Variants in ZC3H13 observed in about 807,000 individuals in gnomAD.
ZC3H13 encodes zinc finger CCCH-type containing 13.
In ZC3H13, 64 loss-of-function variants were observed where a neutral mutation model predicts 204.1. The ratio of observed to expected loss-of-function variants is 0.31; its 90% CI spans 0.26 to 0.39. The LOEUF is 0.39. Ranked by LOEUF, ZC3H13 falls within the 10% of genes least tolerant of loss-of-function variation. The probability of loss-of-function intolerance (pLI) is 1.00; values close to 1 mark genes in which losing one functional copy is unlikely to be tolerated. For missense variants in ZC3H13, 1,833 were observed against 2,082.7 expected, an observed-to-expected ratio of 0.88 and a Z score of 2.33; for synonymous variants, 667 against 693.7, an observed-to-expected ratio of 0.96 and a Z score of 0.60.
chr13:45,963,316 C>T (rs1951825002), intron 17 of ZC3H13: 1 of 986,422 alleles, frequency 1.0e-6, no homozygotes, highest in Non-Finnish European at 1.2e-6. Context: ...TGCCAAAATA[C>T]CCAATTTCTT....
intron 4 of ZC3H13, among the ~76,000 whole-genome samples, chr13:46,040,828 A>G (rs1275142514): frequency 6.6e-6 from 1 of 152,162 alleles, no homozygotes; most frequent in Admixed American, 6.6e-5. Context: ...ATAAGTACAC[A>G]AGAAGATGCT....
intron 17 of ZC3H13, 143 bp downstream of exon 17, chr13:45,963,699 G>T: frequency 6.7e-7 from 1 of 1,488,930 alleles, no homozygotes; most frequent in Non-Finnish European, 8.9e-7. Flanking sequence ...GACCATGAGG[G>T]TTAAATAATG....
intron 8 of ZC3H13, among the ~76,000 whole-genome samples, chr13:45,992,318 A>G (rs1000763160): frequency 2.6e-5 from 4 of 152,200 alleles, no homozygotes; most frequent in Non-Finnish European, 4.4e-5. Context: ...GAGGATACAG[A>G]AATGAAGAGA....
intron 10 of ZC3H13, among the ~76,000 whole-genome samples, chr13:45,983,505 C>G (rs187109187): frequency 0.031 from 4,046 of 132,256 alleles, 90 homozygotes; most frequent in Middle Eastern, 0.046. Flanking sequence ...CGGCTCACTG[C>G]AAGCTCCGCC....
At chr13:46,039,313 C>T (rs1566350156) in intron 4 of ZC3H13, among the ~76,000 whole-genome samples, 1 of 152,130 alleles carries the variant, frequency 6.6e-6, no homozygotes, top group East Asian at 1.9e-4. Context: ...CTGTCAACAA[C>T]CTAAATCTCC....
At chr13:46,032,168 G>A (rs1481159792) in intron 4 of ZC3H13, among the ~76,000 whole-genome samples, 2 of 152,198 alleles carry the variant, frequency 1.3e-5, no homozygotes, top group East Asian at 3.9e-4. Flanking sequence ...TGCAAGTCCT[G>A]CATATGCTGG....
In ZC3H13 at chr13:45,969,842, C is replaced by T; in HGVS notation, c.2702G>A (p.Ser901Asn). Reference sequence around the variant, plus strand: ...TTCCTGTTCTTCGTAGCGCCTTGAACTCTCTTTCCTTTCTGGTTTACGATC... The same window carrying T: ...TTCCTGTTCTTCGTAGCGCCTTGAATTCTCTTTCCTTTCTGGTTTACGATC... Reference protein sequence around the residue: ...EEDRKPERKESSRRYEEQELK... With the variant: ...EEDRKPERKENSRRYEEQELK... Residue 901 changes from serine to asparagine, a missense_variant, in exon 14 of 19, where the codon AGT (serine) becomes AAT (asparagine). Coordinates refer to ENST00000679008, the MANE Select transcript of ZC3H13 (RefSeq NM_001330564.2). 1.2e-6 allele frequency: 2 copies of T among 1,614,002 alleles called. No homozygotes were observed. Among genetic ancestry groups the T allele is most frequent in the Non-Finnish European group, 1.7e-6 (2 of 1,180,022 alleles).
chr13:45,963,567 C>T (rs1951844631), intron 17 of ZC3H13: 1 of 1,177,504 alleles, frequency 8.5e-7, no homozygotes, highest in South Asian at 2.0e-5. Context: ...TGACTACAGA[C>T]ATGCAACACC....
At chr13:45,975,202 G>A (rs2138010857) in intron 12 of ZC3H13, 81 bp downstream of exon 12, 2 of 1,513,394 alleles carry the variant, frequency 1.3e-6, no homozygotes, top group Non-Finnish European at 1.8e-6. Flanking sequence ...GAAATTAAGA[G>A]TATATTGAAA....
chr13:46,003,471 G>T (rs2040898844), intron 7 of ZC3H13, 135 bp from the exon 8 acceptor site: 3 of 696,926 alleles, frequency 4.3e-6, no homozygotes, highest in East Asian at 3.2e-5. Context: ...CCAATATCAA[G>T]AAGAAAAAAA....
intron 4 of ZC3H13, among the ~76,000 whole-genome samples, chr13:46,032,049 T>C (rs1566330889): frequency 6.6e-6 from 1 of 152,160 alleles, no homozygotes; most frequent in Non-Finnish European, 1.5e-5. Context: ...AATGGACAAA[T>C]AAACAGAATA....
chr13:46,008,705 A>G (rs2138618779), intron 7 of ZC3H13, among the ~76,000 whole-genome samples: 1 of 152,276 alleles, frequency 6.6e-6, no homozygotes, highest in Non-Finnish European at 1.5e-5. Context: ...AATTGAGGGA[A>G]AGTTACATAG....
rs148419284 is a variant in ZC3H13, at chr13:46,015,060, C to T, written c.449-3506G>A. Among the ~76,000 whole-genome samples, 461 of 152,230 alleles carry T rather than the reference C, an allele frequency of 3.0e-3. 3 individuals carry two copies. The highest frequency in any genetic ancestry group is 5.0e-3 in the Non-Finnish European group (340 of 67,972). ...TTCAAGTGCAAGTATTTTTCTATGA[C>T]ATTATTTCTCAGACTACATTGCTAG... is the stretch of plus-strand genomic sequence containing the variant. On this transcript the variant is annotated intron_variant, in intron 5 of 18. Coordinates refer to ENST00000679008, the MANE Select transcript of ZC3H13 (RefSeq NM_001330564.2).
Position 45,985,547 on chromosome 13 carries a change from T to C in ZC3H13, c.1470A>G (p.Lys490=), listed in dbSNP as rs1954100583. ...REMRDYSRDT[K]ESRDPRDSRS... is the part of the protein sequence containing the mutation. ...GAGAATCTCTGGGATCACGGCTCTCTTTGGTATCTCTGCTATAATCTCTCA... is the reference window on the plus strand; with the variant it reads ...GAGAATCTCTGGGATCACGGCTCTCCTTGGTATCTCTGCTATAATCTCTCA... The change falls in exon 10 of 19, where the codon AAA becomes AAG. Residue 490 remains lysine (K), a synonymous_variant. Coordinates refer to ENST00000679008, the MANE Select transcript of ZC3H13 (RefSeq NM_001330564.2). The C allele has an allele frequency of 1.2e-6, 2 of 1,614,180 alleles. No homozygotes were observed. Among genetic ancestry groups the C allele is most frequent in the Non-Finnish European group, 1.7e-6 (2 of 1,180,034 alleles).
At chr13:46,046,916 A>G (rs1255077909) in intron 1 of ZC3H13, among the ~76,000 whole-genome samples, 1 of 152,206 alleles carries the variant, frequency 6.6e-6, no homozygotes, top group Non-Finnish European at 1.5e-5. Context: ...AGGAAAAAAA[A>G]CACCATACTA....
chr13:45,992,876 C>T (rs2040063799), intron 8 of ZC3H13, among the ~76,000 whole-genome samples: 1 of 152,148 alleles, frequency 6.6e-6, no homozygotes. Flanking sequence ...AGGTCTTACA[C>T]TCTGAATGGA....
chr13:46,008,520 G>A (rs1333839396), intron 7 of ZC3H13, among the ~76,000 whole-genome samples: 1 of 152,048 alleles, frequency 6.6e-6, no homozygotes, highest in Non-Finnish European at 1.5e-5. Context: ...AATAGGATGT[G>A]TTACTAATAA....
chr13:45,962,791 T>A (rs1951786048), intron 17 of ZC3H13: 1 of 985,286 alleles, frequency 1.0e-6, no homozygotes, highest in Non-Finnish European at 1.2e-6. Flanking sequence ...TGTTAATTAA[T>A]GTTGTTCCTT....
intron 8 of ZC3H13, among the ~76,000 whole-genome samples, chr13:45,993,979 G>A (rs1352076300): frequency 6.6e-6 from 1 of 152,152 alleles, no homozygotes; most frequent in Non-Finnish European, 1.5e-5. Flanking sequence ...ATGCACAAAC[G>A]CAGTATGGTT....
Sources: gnomAD v4.1 joint callset for allele counts (sites outside exome capture counted in the v4.1 genomes callset) on GRCh38, gnomAD v4.1.1 for gene constraint, MANE v1.5 for transcripts, NCBI Gene and HGNC (gene_info 2026-07-23, HGNC 2026-07-21) for gene names.